The following CDH12 variants were observed in gnomAD, a reference collection of about 807,000 sequenced individuals.
The protein encoded by CDH12 is cadherin-12.
CDH12 carries 41 observed loss-of-function variants against 74.1 expected under a neutral mutation model. The observed-to-expected ratio is 0.55, with a 90% confidence interval of 0.43 to 0.72. CDH12 has a LOEUF of 0.72. Among genes scored for constraint, CDH12 ranks in the 30% least tolerant of loss-of-function variants. The pLI is 0.00. For missense variants in CDH12, 945 were observed against 977.2 expected (o/e 0.97, Z 0.44); for synonymous variants, 399 against 355.0 (o/e 1.12, Z -1.39).
chr5:22,523,337 T>C (rs1466935773), intron 1 of CDH12, among the ~76,000 whole-genome samples: 1 of 152,148 alleles, frequency 6.6e-6, no homozygotes, highest in African/African-American at 2.4e-5. Context: ...CCAGTTTCTT[T>C]TCTTTCCATT....
At chr5:22,416,795 T>C (rs1161115282) in intron 2 of CDH12, among the ~76,000 whole-genome samples, 1 of 152,224 alleles carries the variant, frequency 6.6e-6, no homozygotes, top group Non-Finnish European at 1.5e-5. Flanking sequence ...TTTAAGGGAA[T>C]TGTCCTGCCA....
At chr5:22,598,353 G>A (rs772944625) in intron 1 of CDH12, among the ~76,000 whole-genome samples, 6 of 152,124 alleles carry the variant, frequency 3.9e-5, no homozygotes, top group South Asian at 4.1e-4. Context: ...GCAGTTTCCC[G>A]AGTGCTGTTC....
At chr5:22,237,897 T>A (rs1752615228) in intron 3 of CDH12, among the ~76,000 whole-genome samples, 1 of 152,202 alleles carries the variant, frequency 6.6e-6, no homozygotes, top group East Asian at 1.9e-4. Flanking sequence ...AAATGGTCTA[T>A]AAAATTGTTC....
chr5:22,662,341 T>C (rs569968374), intron 1 of CDH12, among the ~76,000 whole-genome samples: 1 of 152,182 alleles, frequency 6.6e-6, no homozygotes, highest in Admixed American at 6.5e-5. Flanking sequence ...TAAATTCAGG[T>C]CTAGGAAGTG....
rs560796040 is a variant in CDH12, at chr5:22,443,545, G to C, written c.-427-38194C>G. ...AGATTTATTAATCCAGTCAATTTCC[G>C]TAACATGGATCAGGAAATATGGATT... On this transcript the variant is annotated intron_variant, in intron 2 of 14. Transcript: ENST00000382254. Among the ~76,000 whole-genome samples, 4 of 152,104 alleles carry C rather than the reference G, an allele frequency of 2.6e-5. No homozygotes were observed. In the South Asian group the frequency reaches 6.2e-4, roughly 24 times the overall value.
intron 3 of CDH12, among the ~76,000 whole-genome samples, chr5:22,370,644 T>C (rs1346083424): frequency 6.6e-6 from 1 of 152,152 alleles, no homozygotes; most frequent in African/African-American, 2.4e-5. Context: ...GTAGCACTTA[T>C]TATATGCCTA....
At chr5:22,822,315 G>A (rs1749746031) in intron 1 of CDH12, among the ~76,000 whole-genome samples, 1 of 152,080 alleles carries the variant, frequency 6.6e-6, no homozygotes. Flanking sequence ...TCAGGACATA[G>A]GCATGGGCAA....
At chr5:22,146,927 A>G (rs908954228) in intron 4 of CDH12, among the ~76,000 whole-genome samples, 3 of 152,134 alleles carry the variant, frequency 2.0e-5, no homozygotes, top group African/African-American at 7.2e-5. Context: ...ACCACATGAA[A>G]TAGGATCAGC....
chr5:22,687,066 C>T (rs1022677785), intron 1 of CDH12, among the ~76,000 whole-genome samples: 26 of 152,080 alleles, frequency 1.7e-4, no homozygotes, highest in Non-Finnish European at 5.9e-5. Context: ...GAGGCTAAGG[C>T]GCGTGGATCA....
intron 10 of CDH12, among the ~76,000 whole-genome samples, chr5:21,786,794 G>A (rs549119928): frequency 6.6e-6 from 1 of 152,272 alleles, no homozygotes. Context: ...AAGAACATTG[G>A]TGATTCATGA....
At chr5:22,497,660 T>TTTC (rs1169553695) in intron 2 of CDH12, among the ~76,000 whole-genome samples, 32 of 145,010 alleles carry the variant, frequency 2.2e-4, no homozygotes, top group Admixed American at 7.4e-4. Flanking sequence ...TTTTTTTTTT[T>TTTC]GAGATGTAAT....
intron 2 of CDH12, among the ~76,000 whole-genome samples, chr5:22,497,031 A>G (rs1747130008): frequency 1.3e-5 from 2 of 152,120 alleles, no homozygotes; most frequent in Admixed American, 1.3e-4. Flanking sequence ...TTTTAGCGTC[A>G]TTTTCTCATC....
At chr5:22,526,600 G>A (rs1244705027) in intron 1 of CDH12, among the ~76,000 whole-genome samples, 2 of 152,250 alleles carry the variant, frequency 1.3e-5, no homozygotes, top group East Asian at 1.9e-4. Context: ...TGCAATTGAT[G>A]TCACCACCTG....
At chr5:22,483,763 T>TATATATATATATATATATATAA (rs902754630) in intron 2 of CDH12, among the ~76,000 whole-genome samples, 1,368 of 91,780 alleles carry the variant, frequency 0.015, 168 homozygotes, top group Non-Finnish European at 0.024. Context: ...TATATATATA[T>TATATATATATATATATATATAA]AAATTTAATT....
At chr5:22,326,350 C>T (rs1225509545) in intron 3 of CDH12, among the ~76,000 whole-genome samples, 1 of 152,112 alleles carries the variant, frequency 6.6e-6, no homozygotes, top group African/African-American at 2.4e-5. Flanking sequence ...ATTCTCCTGC[C>T]TCAGCCTCCC....
intron 6 of CDH12, among the ~76,000 whole-genome samples, chr5:21,912,531 G>T (rs1477907512): frequency 6.6e-6 from 1 of 152,102 alleles, no homozygotes; most frequent in African/African-American, 2.4e-5. Flanking sequence ...GCCCAAGGGT[G>T]ATCCAAAACC....
At chr5:22,103,105 A>G (rs1376391911) in intron 4 of CDH12, among the ~76,000 whole-genome samples, 1 of 152,140 alleles carries the variant, frequency 6.6e-6, no homozygotes, top group Non-Finnish European at 1.5e-5. Flanking sequence ...TTCAGCACTT[A>G]GAGACAGGCA....
At chr5:21,919,190 G>A (rs574456343) in intron 6 of CDH12, among the ~76,000 whole-genome samples, 55 of 152,208 alleles carry the variant, frequency 3.6e-4, no homozygotes, top group Admixed American at 9.8e-4. Flanking sequence ...CAAATGTAGG[G>A]ATGATTTTAT....
chr5:22,746,848 A>G (rs910805464), intron 1 of CDH12, among the ~76,000 whole-genome samples: 3 of 152,344 alleles, frequency 2.0e-5, no homozygotes, highest in South Asian at 4.1e-4. Context: ...TTTACACCTC[A>G]AACTATGACT....
Sources: gnomAD v4.1 joint callset for allele counts (sites outside exome capture counted in the v4.1 genomes callset) on GRCh38, gnomAD v4.1.1 for gene constraint, MANE v1.5 for transcripts, NCBI Gene and HGNC (gene_info 2026-07-23, HGNC 2026-07-21) for gene names.